PRKDC: variants seen among roughly 807,000 people sequenced by gnomAD.
PRKDC encodes the protein DNA-dependent protein kinase catalytic subunit.
PRKDC carries 82 observed loss-of-function variants against 486.9 expected under a neutral mutation model. That is an observed-to-expected ratio of 0.17 (90% CI 0.14 to 0.20). The LOEUF is 0.20. Ranked by LOEUF, PRKDC falls within the 10% of genes least tolerant of loss-of-function variation. The pLI is 1.00. For synonymous variants in PRKDC, 1,895 were observed against 1,837.0 expected, an observed-to-expected ratio of 1.03 and a Z score of -0.81; for missense variants, 4,504 against 5,038.2, an observed-to-expected ratio of 0.89 and a Z score of 3.21.
intron 68 of PRKDC, among the ~76,000 whole-genome samples, chr8:47,808,076 C>T (rs560363057): frequency 6.6e-6 from 1 of 152,270 alleles, no homozygotes; most frequent in Admixed American, 6.5e-5. Flanking sequence ...AGCCATTTTG[C>T]TCCTTATATG....
rs2086706869 is a variant in PRKDC at position 47,782,008 on chromosome 8, A to G, written c.11489+154T>C. On this transcript the variant is annotated intron_variant, in intron 80 of 85. Coordinates refer to ENST00000314191, the MANE Select transcript of PRKDC (RefSeq NM_006904.7). The surrounding 1 kb of genome is among the most constrained non-coding windows in gnomAD (Gnocchi z 4.9). The stretch of plus-strand genomic sequence containing the variant: ...GGTAAAATATCTGCAACTACTGGTT[A>G]GCAGCCAGCACTCCATTTGGTTTAT... Among the ~76,000 whole-genome samples, 1 of 152,240 alleles carries G rather than the reference A, an allele frequency of 6.6e-6. No homozygotes were observed. The highest frequency in any genetic ancestry group is 6.5e-5 in the Admixed American group (1 of 15,288).
rs752612150 is a variant in PRKDC, at chr8:47,877,798, T to C, written c.5289A>G (p.Thr1763=). The C allele has an allele frequency of 1.9e-6, 3 of 1,598,488 alleles. No individual in the cohort carries two copies. The highest frequency in any genetic ancestry group is 1.7e-5 in the Admixed American group (1 of 58,802). ...SQSPMLLELM[T]EVLCREQQHV... Reference sequence around the variant, plus strand: ...GCTGCTGTTCCCGACAAAGAACTTCTGTCATCAATTCCAACAACATAGGGC... The same window carrying C: ...GCTGCTGTTCCCGACAAAGAACTTCCGTCATCAATTCCAACAACATAGGGC... Residue 1763 remains threonine (T), a synonymous_variant, in exon 40 of 86, where the codon ACA becomes ACG. Coordinates refer to ENST00000314191, the MANE Select transcript of PRKDC (RefSeq NM_006904.7).
rs1236788598 is a variant in PRKDC, at chr8:47,819,442, T to C, written c.9405A>G (p.Leu3135=). 1 of 1,559,900 alleles carries C rather than the reference T, an allele frequency of 6.4e-7. No homozygotes were observed. The highest frequency in any genetic ancestry group is 2.4e-5 in the East Asian group (1 of 42,086). ...AGCTGATGAACTCCTGAATTTCTGT[T>C]AAAGCCTGTACAGACTGCAATTTGG... ...RLTKLQSVQA[L]TEIQEFISFI... The change falls in exon 67 of 86, where the codon TTA becomes TTG. Residue 3135 remains leucine, a synonymous_variant. Coordinates refer to ENST00000314191, the MANE Select transcript of PRKDC (RefSeq NM_006904.7).
Position 47,881,940 on chromosome 8 carries a change from A to G in PRKDC, c.4934T>C (p.Val1645Ala). The change falls in exon 37 of 86, where the codon GTG becomes GCG. Residue 1645 changes from valine (V) to alanine (A), a missense_variant. Val to Ala is a moderately conservative substitution (Grantham distance 64). Transcript: ENST00000314191. ...TAAAATTTTTGCCAGTAAGGCCAGC[A>G]CTGCCATTTTAGTTTCGAGAGGGGA... ...KDSPLETKMA[V>A]LALLAKILQI... 6.2e-7 allele frequency: 1 copy of G among 1,613,616 alleles called. No homozygotes were observed. Among genetic ancestry groups the G allele is most frequent in the Non-Finnish European group, 8.5e-7 (1 of 1,179,624 alleles).
At chr8:47,821,929 G>T in intron 64 of PRKDC, 137 bp from the exon 65 acceptor site, 1 of 850,394 alleles carries the variant, frequency 1.2e-6, no homozygotes, top group Non-Finnish European at 1.7e-6. Context: ...GAAAAGAGAA[G>T]CTATTCAGAG....
chr8:47,953,765 A>G (rs1196484406), intron 6 of PRKDC, 42 bp downstream of exon 6: 1 of 1,581,776 alleles, frequency 6.3e-7, no homozygotes, highest in Admixed American at 1.8e-5. Context: ...AGAAAAACAC[A>G]ACCACATCTA....
chr8:47,921,006 C>A (rs2090060773), intron 21 of PRKDC, among the ~76,000 whole-genome samples: 1 of 152,122 alleles, frequency 6.6e-6, no homozygotes, highest in African/African-American at 2.4e-5. Context: ...GTAATCCCAG[C>A]ACTTTGGGAG....
chr8:47,852,299 TG>T (rs1345336417), intron 52 of PRKDC, among the ~76,000 whole-genome samples: 2 of 152,052 alleles, frequency 1.3e-5, no homozygotes, highest in African/African-American at 4.8e-5. Context: ...CACCAAAAAC[TG>T]CAAGGGGAGG....
chr8:47,824,466 C>T (rs1009697106), intron 63 of PRKDC, among the ~76,000 whole-genome samples: 2 of 78,080 alleles, frequency 2.6e-5, no homozygotes, highest in African/African-American at 4.6e-5. Flanking sequence ...AAGACTCCGC[C>T]TCAAAAAAAA....
At chr8:47,912,312 T>G in intron 25 of PRKDC, 98 bp downstream of exon 25, 1 of 1,331,414 alleles carries the variant, frequency 7.5e-7, no homozygotes, top group Non-Finnish European at 9.9e-7. Flanking sequence ...GTATCGTTCC[T>G]AACCATCTCC....
At chr8:47,781,153 C>T (rs1050343661) in intron 80 of PRKDC, among the ~76,000 whole-genome samples, 1 of 152,176 alleles carries the variant, frequency 6.6e-6, no homozygotes, top group African/African-American at 2.4e-5. Flanking sequence ...ACAGGAAAGG[C>T]GACACCTGCT....
rs146065121 is a variant in PRKDC, at chr8:47,823,324, A to G, written c.8922+534T>C. 3.5e-3 allele frequency among the ~76,000 whole-genome samples: 527 copies of G among 152,018 alleles called. 7 individuals carry two copies. The highest frequency in any genetic ancestry group is 0.012 in the African/African-American group (499 of 41,442). On this transcript the variant is annotated intron_variant, in intron 64 of 85. Coordinates refer to ENST00000314191, the MANE Select transcript of PRKDC (RefSeq NM_006904.7). ...ACAGAATGAGACTCTGCCTCTAAAT[A>G]AATAAAAGTATATGGCACCCCCTCC...
rs1451683130 is a variant in PRKDC at position 47,780,157 on chromosome 8, C to T, written c.11490-1064G>A. On this transcript the variant is annotated intron_variant, in intron 80 of 85. Transcript: ENST00000314191. ...CTCGAATTCCTGACCTCAGGCGATC[C>T]GCCCACCTTGGCCTCCCAAAGTGCT... Among the ~76,000 whole-genome samples, 7 of 152,114 alleles carry T rather than the reference C, an allele frequency of 4.6e-5. No homozygotes were observed. The South Asian group carries it at 1.0e-3, about 23-fold the overall frequency.
chr8:47,861,948 A>C (rs2088686190), intron 44 of PRKDC, 114 bp downstream of exon 44: 1 of 789,528 alleles, frequency 1.3e-6, no homozygotes. Flanking sequence ...ACATGAAACC[A>C]CCAGTTTTTG....
chr8:47,940,935 G>A (rs1350263504), intron 10 of PRKDC, among the ~76,000 whole-genome samples: 1 of 152,122 alleles, frequency 6.6e-6, no homozygotes, highest in Non-Finnish European at 1.5e-5. Context: ...CCTGAGGTCA[G>A]CCTGGCCAAC....
chr8:47,888,787 A>G, intron 33 of PRKDC, 137 bp from the exon 34 acceptor site: 3 of 1,298,358 alleles, frequency 2.3e-6, no homozygotes, highest in Non-Finnish European at 3.1e-6. Flanking sequence ...CTAAGCTAGC[A>G]TGGAGATCAA....
chr8:47,782,381 G>T lies in PRKDC; in HGVS notation c.11393C>A (p.Ser3798Tyr), dbSNP rs1272804544. 1 of 1,605,884 alleles carries T rather than the reference G, an allele frequency of 6.2e-7. No homozygotes were observed. Among genetic ancestry groups the T allele is most frequent in the Admixed American group, 1.7e-5 (1 of 58,666 alleles). Residue 3798 changes from serine (S) to tyrosine (Y), a missense_variant, in exon 79 of 86, where the codon TCC (serine) becomes TAC (tyrosine). Ser to Tyr is a moderately radical substitution (Grantham distance 144). Transcript: ENST00000314191. This position sits in a 1 kb window ranked among gnomAD's most constrained non-coding sequence, Gnocchi z 4.9. ...LRTYSVVPMT[S>Y]RLGLIEWLEN... is the part of the protein sequence containing the mutation. ...CTGGGAGCAGCCTGGCAGTTACCTG[G>T]AGGTCATGGGCACAACGCTATAGGT... is the stretch of plus-strand genomic sequence containing the variant.
Position 47,857,218 on chromosome 8 carries a change from G to A in PRKDC, c.6547C>T (p.His2183Tyr). 6.2e-7 allele frequency: 1 copy of A among 1,614,016 alleles called. No individual in the cohort carries two copies. Among genetic ancestry groups the A allele is most frequent in the South Asian group, 1.1e-5 (1 of 91,078 alleles). Reference sequence around the variant, plus strand: ...GCCACTATCTCAACCACCATGTAGTGAATTCCTTCTCCTCCATTGTTTTCA... The same window carrying A: ...GCCACTATCTCAACCACCATGTAGTAAATTCCTTCTCCTCCATTGTTTTCA... ...ASENNGGEGI[H>Y]YMVVEIVATI... The change falls in exon 49 of 86, where the codon CAC (histidine) becomes TAC (tyrosine). Residue 2183 changes from histidine (H) to tyrosine (Y), a missense_variant. Around this residue, in one of 6 missense-constraint regions of PRKDC, gnomAD observed 1,592 missense variants for 1,724.6 expected, o/e 0.92. Transcript: ENST00000314191.
intron 17 of PRKDC, among the ~76,000 whole-genome samples, chr8:47,930,273 GTTAT>G (rs1387818142): frequency 6.6e-6 from 1 of 152,078 alleles, no homozygotes; most frequent in Non-Finnish European, 1.5e-5. Context: ...TTTATTATTT[GTTAT>G]TTATTTATTT....
Sources: allele counts gnomAD v4.1 joint callset (sites outside exome capture counted in the v4.1 genomes callset), GRCh38; gene constraint gnomAD v4.1.1; regional missense constraint gnomAD v4.1.1; non-coding constraint Gnocchi (gnomAD v3.1); transcripts MANE v1.5; gene names NCBI Gene and HGNC (gene_info 2026-07-23, HGNC 2026-07-21).